Variants in LONP2 observed in about 807,000 individuals in gnomAD.
LONP2 encodes lon protease homolog 2, peroxisomal.
In LONP2, 60 loss-of-function variants were observed where a neutral mutation model predicts 85.6. The observed-to-expected ratio is 0.70, with a 90% CI of 0.57 to 0.87. LONP2 has a LOEUF of 0.87. LONP2 is among the 40% of genes least tolerant of loss of function. The pLI, the probability that LONP2 is intolerant of heterozygous loss-of-function variation, is 0.00. For synonymous variants in LONP2, 395 were observed against 389.7 expected, an observed-to-expected ratio of 1.01 and a Z score of -0.16; for missense variants, 860 against 1,063.5, an observed-to-expected ratio of 0.81 and a Z score of 2.66.
At chr16:48,350,494 C>T (rs1009328846) in intron 14 of LONP2, among the ~76,000 whole-genome samples, 2 of 152,094 alleles carry the variant, frequency 1.3e-5, no homozygotes, top group Non-Finnish European at 2.9e-5. Flanking sequence ...TATTTTCAAA[C>T]ATGCAAGGAA....
In LONP2 at chr16:48,352,513, A is replaced by T. The variant is rs1129702; in HGVS notation, c.*711A>T. The T allele has an allele frequency of 6.6e-6, 1 of 152,174 alleles. No individual in the cohort carries two copies. Among genetic ancestry groups the T allele is most frequent in the African/African-American group, 2.4e-5 (1 of 41,428 alleles). 9.4% of individuals were successfully genotyped at this position (152,174 alleles called of 1,614,324 possible). A position where few individuals can be genotyped will look rare whatever the true frequency, so the allele number is the denominator to read the frequency against. On this transcript the variant is annotated 3_prime_UTR_variant, in exon 15 of 15. Coordinates refer to ENST00000285737, the MANE Select transcript of LONP2 (RefSeq NM_031490.5). ...TACAGGCGTGTTAGCATGTGCCTGT[A>T]ATCCCAGCTTCTTGGGAAGCTGAGG...
Position 48,355,075 on chromosome 16 carries a change from T to C in LONP2, c.*3273T>C, listed in dbSNP as rs878932100. ...CACTCATCTGCTGATTGTTTCCCCCTCTTGGGTATTATGAGTAATGCTATG... is the reference window on the plus strand; with the variant it reads ...CACTCATCTGCTGATTGTTTCCCCCCCTTGGGTATTATGAGTAATGCTATG... On this transcript the variant is annotated 3_prime_UTR_variant, in exon 15 of 15. Coordinates refer to ENST00000285737, the MANE Select transcript of LONP2 (RefSeq NM_031490.5). The C allele has an allele frequency of 6.6e-6, 1 of 152,192 alleles. No homozygotes were observed. The highest frequency in any genetic ancestry group is 1.9e-4 in the East Asian group (1 of 5,188). 9.4% of individuals were successfully genotyped at this position (152,192 alleles called of 1,614,324 possible).
chr16:48,358,889 T>C (rs533693954), downstream of LONP2, among the ~76,000 whole-genome samples: 2 of 152,294 alleles, frequency 1.3e-5, no homozygotes, highest in South Asian at 2.1e-4. Context: ...ACATCTCAAT[T>C]GTATGTGCAG....
intron 2 of LONP2, 118 bp downstream of exon 2, chr16:48,252,483 G>A: frequency 3.5e-6 from 2 of 577,994 alleles, no homozygotes; most frequent in African/African-American, 1.9e-5. Flanking sequence ...AAATGAGTTA[G>A]TAACATTATA....
chr16:48,314,426 T>C (rs766917111), intron 11 of LONP2, among the ~76,000 whole-genome samples: 1 of 152,184 alleles, frequency 6.6e-6, no homozygotes, highest in Non-Finnish European at 1.5e-5. Context: ...CTAAGGTTTT[T>C]ATAGTTTTGG....
chr16:48,305,282 T>A (rs1285981164), intron 11 of LONP2, among the ~76,000 whole-genome samples: 1 of 152,224 alleles, frequency 6.6e-6, no homozygotes, highest in Admixed American at 6.5e-5. Context: ...TGAGATGGAG[T>A]CTCGCTCTGT....
At position 48,353,401 on chromosome 16, in the gene LONP2, G is replaced by A. The variant is rs577521651; in HGVS notation, c.*1599G>A. 6.6e-6 allele frequency: 1 copy of A among 151,752 alleles called. No individual in the cohort carries two copies. Among genetic ancestry groups the A allele is most frequent in the South Asian group, 2.1e-4 (1 of 4,800 alleles). 9.4% of individuals were successfully genotyped at this position (151,752 alleles called of 1,614,324 possible). A position where few individuals can be genotyped will look rare whatever the true frequency, so the allele number is the denominator to read the frequency against. On this transcript the variant is annotated 3_prime_UTR_variant, in exon 15 of 15. Coordinates refer to ENST00000285737, the MANE Select transcript of LONP2 (RefSeq NM_031490.5). ...CCCGCCTGTAGTCCAGCTACTTGAG[G>A]CTGAGATGGGAGGATGAGGGAGGTC...
At chr16:48,263,789 A>G (rs958352783) in intron 6 of LONP2, among the ~76,000 whole-genome samples, 1 of 152,196 alleles carries the variant, frequency 6.6e-6, no homozygotes, top group African/African-American at 2.4e-5. Context: ...TACTGTTTTC[A>G]TAATGGCTGT....
intron 11 of LONP2, among the ~76,000 whole-genome samples, chr16:48,309,951 C>T (rs866705430): frequency 2.0e-5 from 3 of 151,490 alleles, no homozygotes; most frequent in Non-Finnish European, 2.9e-5. Context: ...TTTTCTTAGG[C>T]CTAGTAGTAT....
intron 4 of LONP2, among the ~76,000 whole-genome samples, chr16:48,259,588 C>T (rs536743070): frequency 1.7e-3 from 259 of 152,290 alleles, no homozygotes; most frequent in African/African-American, 5.5e-3. Flanking sequence ...AGCAATTTGA[C>T]GTTCATCAGC....
At chr16:48,265,068 A>AT (rs966521770) in intron 6 of LONP2, among the ~76,000 whole-genome samples, 3 of 151,832 alleles carry the variant, frequency 2.0e-5, no homozygotes, top group African/African-American at 4.8e-5. Flanking sequence ...CACCTATTTG[A>AT]TTTTTTGCCG....
chr16:48,277,602 C>T (rs1179775581), intron 8 of LONP2, 123 bp downstream of exon 8: 12 of 887,392 alleles, frequency 1.4e-5, no homozygotes, highest in South Asian at 5.2e-5. Flanking sequence ...AGTTTGATAC[C>T]GGCTGAGGTC....
At chr16:48,327,467 TG>T (rs1266634705) in intron 11 of LONP2, among the ~76,000 whole-genome samples, 1 of 152,210 alleles carries the variant, frequency 6.6e-6, no homozygotes, top group Non-Finnish European at 1.5e-5. Flanking sequence ...TGTTTTGTTT[TG>T]TTTTTTTGGG....
chr16:48,244,848 G>T (rs1971263580), intron 1 of LONP2, among the ~76,000 whole-genome samples: 2 of 152,202 alleles, frequency 1.3e-5, no homozygotes, highest in South Asian at 4.1e-4. Context: ...GTGAAACTAC[G>T]CAGTTCCCTA....
At chr16:48,303,422 C>T (rs1430997046) in intron 11 of LONP2, 117 bp downstream of exon 11, 2 of 1,146,066 alleles carry the variant, frequency 1.7e-6, no homozygotes, top group East Asian at 4.8e-5. Context: ...ACACATGACT[C>T]CACTGTTAAA....
chr16:48,256,052 C>T (rs1206396009), intron 2 of LONP2, among the ~76,000 whole-genome samples: 1 of 152,146 alleles, frequency 6.6e-6, no homozygotes, highest in African/African-American at 2.4e-5. Context: ...TAATATGCAT[C>T]TAATAGGGTT....
chr16:48,314,047 C>T (rs545387875), intron 11 of LONP2, among the ~76,000 whole-genome samples: 1 of 152,154 alleles, frequency 6.6e-6, no homozygotes, highest in Non-Finnish European at 1.5e-5. Context: ...TTGCATTTCT[C>T]TAATGATCAG....
At chr16:48,359,373 A>G (rs566204714), downstream of LONP2, among the ~76,000 whole-genome samples, 29 of 152,370 alleles carry the variant, frequency 1.9e-4, no homozygotes, top group East Asian at 5.4e-3. Flanking sequence ...CACACATGCT[A>G]ATGAACAGAC....
chr16:48,272,189 A>G (rs1972119319), intron 7 of LONP2, among the ~76,000 whole-genome samples: 1 of 152,252 alleles, frequency 6.6e-6, no homozygotes, highest in Non-Finnish European at 1.5e-5. Context: ...TTTAAATTCT[A>G]TTAATAAATT....
Sources: allele counts gnomAD v4.1 joint callset (sites outside exome capture counted in the v4.1 genomes callset), GRCh38; gene constraint gnomAD v4.1.1; transcripts MANE v1.5; gene names NCBI Gene and HGNC (gene_info 2026-07-23, HGNC 2026-07-21).